Variants in RABGAP1L observed in about 807,000 individuals in gnomAD.
RABGAP1L encodes the protein RAB GTPase activating protein 1 like, also known as rab GTPase-activating protein 1-like.
A neutral mutation model predicts 137.7 loss-of-function variants in RABGAP1L; 63 were observed. That is an observed-to-expected ratio of 0.46 (90% CI 0.37 to 0.56). RABGAP1L has a LOEUF of 0.56. Among genes scored for constraint, RABGAP1L ranks in the 20% least tolerant of loss-of-function variants. The pLI is 0.00. For missense variants in RABGAP1L, 1,095 were observed against 1,244.0 expected (o/e 0.88, Z 1.80); for synonymous variants, 431 against 433.7 (o/e 0.99, Z 0.08).
chr1:174,942,924 T>A (rs1666130752), intron 19 of RABGAP1L, among the ~76,000 whole-genome samples: 4 of 152,202 alleles, frequency 2.6e-5, no homozygotes, highest in African/African-American at 9.6e-5. Context: ...TGTAAGCTCC[T>A]TAAAAGCAGA....
intron 10 of RABGAP1L, among the ~76,000 whole-genome samples, chr1:174,291,741 T>C (rs897930113): frequency 2.6e-5 from 4 of 152,060 alleles, no homozygotes; most frequent in African/African-American, 7.2e-5. Context: ...CACAAAATAT[T>C]GACCTATTTT....
At chr1:174,480,479 C>T (rs80077806) in intron 13 of RABGAP1L, among the ~76,000 whole-genome samples, 3,058 of 152,318 alleles carry the variant, frequency 0.02, 109 homozygotes, top group African/African-American at 0.071. Context: ...GCAGTGCAAT[C>T]AAGGCCAGCT....
chr1:174,910,601 G>A (rs1659901578), intron 19 of RABGAP1L, among the ~76,000 whole-genome samples: 2 of 152,076 alleles, frequency 1.3e-5, no homozygotes, highest in African/African-American at 4.8e-5. Context: ...ATCCAAATTG[G>A]AAAGGAAGAA....
At position 174,976,059 on chromosome 1, in the gene RABGAP1L, G is replaced by A; in HGVS notation, c.2545-19G>A. ...CTGTATGACTGTGATGTATGACTGTGATGCACCATGATTTGCAGGCAGAAG... is the reference window on the plus strand; with the variant it reads ...CTGTATGACTGTGATGTATGACTGTAATGCACCATGATTTGCAGGCAGAAG... On this transcript the variant is annotated intron_variant, in intron 21 of 25. Transcript: ENST00000681986. The A allele has an allele frequency of 7.0e-7, 1 of 1,434,576 alleles. No individual in the cohort carries two copies. Among genetic ancestry groups the A allele is most frequent in the East Asian group, 2.5e-5 (1 of 40,812 alleles). 88.9% of individuals were successfully genotyped at this position (1,434,576 alleles called of 1,614,324 possible).
chr1:174,693,965 C>T (rs923074365), intron 15 of RABGAP1L, among the ~76,000 whole-genome samples: 8 of 151,992 alleles, frequency 5.3e-5, no homozygotes, highest in African/African-American at 1.9e-4. Context: ...CAGGTTCAAC[C>T]AATCGTGGAT....
chr1:174,270,394 A>G (rs1008024867), intron 7 of RABGAP1L, among the ~76,000 whole-genome samples: 61 of 152,140 alleles, frequency 4.0e-4, no homozygotes, highest in African/African-American at 1.3e-3. Flanking sequence ...GAAACAAATG[A>G]CATTAAACTT....
intron 14 of RABGAP1L, among the ~76,000 whole-genome samples, chr1:174,666,402 G>A (rs1008314338): frequency 6.6e-6 from 1 of 152,130 alleles, no homozygotes; most frequent in Non-Finnish European, 1.5e-5. Context: ...TATTCAATCT[G>A]TACTGAAAAA....
intron 19 of RABGAP1L, among the ~76,000 whole-genome samples, chr1:174,951,994 A>G (rs1387114523): frequency 6.6e-6 from 1 of 152,182 alleles, no homozygotes; most frequent in Non-Finnish European, 1.5e-5. Flanking sequence ...ATCAACTTGA[A>G]AAATCTTTAC....
intron 14 of RABGAP1L, among the ~76,000 whole-genome samples, chr1:174,647,343 T>A (rs1178590291): frequency 6.6e-6 from 1 of 152,116 alleles, no homozygotes; most frequent in African/African-American, 2.4e-5. Flanking sequence ...TGGCTGTGGG[T>A]CTGTCATAAA....
intron 18 of RABGAP1L, among the ~76,000 whole-genome samples, chr1:174,794,396 T>G (rs1213576052): frequency 6.6e-6 from 1 of 152,324 alleles, no homozygotes; most frequent in East Asian, 1.9e-4. Flanking sequence ...TTTCTTTTCT[T>G]CTATGTGATT....
rs935943966 is a variant in RABGAP1L, at chr1:174,683,559, A to T, written c.1862A>T (p.Gln621Leu). 6.2e-7 allele frequency: 1 copy of T among 1,609,654 alleles called. No individual in the cohort carries two copies. Among genetic ancestry groups the T allele is most frequent in the African/African-American group, 1.3e-5 (1 of 74,804 alleles). The part of the protein sequence containing the change: ...SVYDEDIGYC[Q>L]GQSFLAAVLL... ...TATGATGAAGACATTGGGTACTGTC[A>T]AGGGCAGTCTTTTCTTGCTGCTGTA... is the stretch of plus-strand genomic sequence containing the variant. The change falls in exon 15 of 26, where the codon CAA becomes CTA. Residue 621 changes from glutamine to leucine, a missense_variant. Coordinates refer to ENST00000681986, the MANE Select transcript of RABGAP1L (RefSeq NM_001366446.1).
chr1:174,238,144 G>A (rs990412403), intron 4 of RABGAP1L, among the ~76,000 whole-genome samples: 1 of 151,994 alleles, frequency 6.6e-6, no homozygotes, highest in African/African-American at 2.4e-5. Flanking sequence ...GCACTTCTCT[G>A]TATTGGTTAT....
intron 12 of RABGAP1L, among the ~76,000 whole-genome samples, chr1:174,388,550 G>A (rs545829716): frequency 3.3e-4 from 50 of 151,994 alleles, no homozygotes; most frequent in African/African-American, 1.2e-3. Flanking sequence ...AAAACTAAAC[G>A]TGGTAGCAAG....
At chr1:174,943,573 T>G (rs1666241606) in intron 19 of RABGAP1L, among the ~76,000 whole-genome samples, 1 of 152,190 alleles carries the variant, frequency 6.6e-6, no homozygotes, top group African/African-American at 2.4e-5. Context: ...CGGTGGCTCA[T>G]GCCTGTAATC....
intron 19 of RABGAP1L, among the ~76,000 whole-genome samples, chr1:174,848,941 T>G (rs1647641885): frequency 6.6e-6 from 1 of 151,688 alleles, no homozygotes; most frequent in South Asian, 2.1e-4. Context: ...TGCGCCGTTT[T>G]TTAAGCCGGT....
At chr1:174,366,134 A>G (rs1247514367) in intron 11 of RABGAP1L, among the ~76,000 whole-genome samples, 6 of 152,282 alleles carry the variant, frequency 3.9e-5, no homozygotes, top group Admixed American at 1.3e-4. Flanking sequence ...CTTTATGGCT[A>G]TTAATTTTAC....
intron 15 of RABGAP1L, among the ~76,000 whole-genome samples, chr1:174,689,578 G>A (rs892098560): frequency 6.6e-6 from 1 of 152,080 alleles, no homozygotes; most frequent in Non-Finnish European, 1.5e-5. Context: ...ACTGTTGGCT[G>A]GCCTGGATTC....
At chr1:174,619,866 C>A (rs1050777260) in intron 13 of RABGAP1L, among the ~76,000 whole-genome samples, 1 of 152,104 alleles carries the variant, frequency 6.6e-6, no homozygotes, top group African/African-American at 2.4e-5. Context: ...AGAGTCAGGA[C>A]CCATCAGTGT....
In RABGAP1L at chr1:174,811,923, A is replaced by G. The variant is rs772758392; in HGVS notation, c.2303A>G (p.Asn768Ser). Reference protein sequence around the residue: ...QLPKRYRAEENARRLMEQACN... With the variant: ...QLPKRYRAEESARRLMEQACN... ...CCAAAGAGATACAGGGCAGAGGAAAATGCAAGAAGACTGATGGAGCAGGCT... is the reference window on the plus strand; with the variant it reads ...CCAAAGAGATACAGGGCAGAGGAAAGTGCAAGAAGACTGATGGAGCAGGCT... The change falls in exon 19 of 26, where the codon AAT (asparagine) becomes AGT (serine). Residue 768 changes from asparagine (N) to serine (S), a missense_variant. Asn to Ser is a conservative substitution (Grantham distance 46). Transcript: ENST00000681986. 1 of 1,607,160 alleles carries G rather than the reference A, an allele frequency of 6.2e-7. No homozygotes were observed. The highest frequency in any genetic ancestry group is 8.5e-7 in the Non-Finnish European group (1 of 1,176,544).
Sources: gnomAD v4.1 joint callset for allele counts (sites outside exome capture counted in the v4.1 genomes callset) on GRCh38, gnomAD v4.1.1 for gene constraint, MANE v1.5 for transcripts, NCBI Gene and HGNC (gene_info 2026-07-23, HGNC 2026-07-21) for gene names.